TIAM1: variants seen among roughly 807,000 people sequenced by gnomAD.
The protein encoded by TIAM1 is rho guanine nucleotide exchange factor TIAM1.
In TIAM1, 65 loss-of-function variants were observed where a neutral mutation model predicts 163.5. The observed-to-expected ratio is 0.40, with a 90% confidence interval of 0.33 to 0.49. The LOEUF is 0.49. Ranked by LOEUF, TIAM1 falls within the 20% of genes least tolerant of loss-of-function variation. TIAM1 has a pLI of 0.77. For missense variants in TIAM1, 1,789 were observed against 2,044.7 expected (o/e 0.87, Z 2.41); for synonymous variants, 833 against 810.1 (o/e 1.03, Z -0.48).
chr21:31,227,455 C>T (rs967613293), intron 6 of TIAM1, among the ~76,000 whole-genome samples: 1 of 152,230 alleles, frequency 6.6e-6, no homozygotes, highest in Non-Finnish European at 1.5e-5. Flanking sequence ...GCAAACCTAA[C>T]TGGTCCAGCA....
At chr21:31,293,488 A>G (rs2074111647) in intron 2 of TIAM1, among the ~76,000 whole-genome samples, 1 of 152,214 alleles carries the variant, frequency 6.6e-6, no homozygotes, top group African/African-American at 2.4e-5. Context: ...TTCCCCACAC[A>G]ACAGACTTTT....
At chr21:31,530,383 A>G (rs2047932545) in intron 1 of TIAM1, among the ~76,000 whole-genome samples, 1 of 152,256 alleles carries the variant, frequency 6.6e-6, no homozygotes, top group Non-Finnish European at 1.5e-5. Context: ...AGAGGCCTGA[A>G]CAGTGATGGA....
intron 2 of TIAM1, among the ~76,000 whole-genome samples, chr21:31,414,230 T>A (rs958605198): frequency 6.6e-6 from 1 of 152,184 alleles, no homozygotes; most frequent in Admixed American, 6.5e-5. Context: ...AGGGTCCCCA[T>A]GTAAAAGTTC....
chr21:31,309,599 G>C (rs970412497), intron 2 of TIAM1, among the ~76,000 whole-genome samples: 2 of 152,200 alleles, frequency 1.3e-5, no homozygotes, highest in Admixed American at 1.3e-4. Flanking sequence ...GTCCTAGACC[G>C]GAGAGTCTGG....
chr21:31,335,773 T>G (rs1215857624), intron 2 of TIAM1, among the ~76,000 whole-genome samples: 2 of 152,094 alleles, frequency 1.3e-5, no homozygotes, highest in Non-Finnish European at 2.9e-5. Flanking sequence ...CCATTAGACA[T>G]GCTCATCTAA....
rs141213851 is a variant in TIAM1, at chr21:31,133,536, C to A, written c.3883+2397G>T. Among the ~76,000 whole-genome samples the A allele has an allele frequency of 8.1e-4, 123 of 152,316 alleles. No homozygotes were observed. The Middle Eastern group carries it at 0.017, about 21-fold the overall frequency. On this transcript the variant is annotated intron_variant, in intron 23 of 27. Transcript: ENST00000541036. ...AGTAATGTAGAGTCCACTATCGGAG[C>A]CTGTGCAGAAAGTGGTACCTAAATC... is the stretch of plus-strand genomic sequence containing the variant.
chr21:31,296,821 G>A lies in TIAM1; in HGVS notation c.-188-19913C>T, dbSNP rs548980348. Among the ~76,000 whole-genome samples the A allele has an allele frequency of 8.9e-4, 135 of 152,180 alleles. 2 individuals are homozygous for A. The highest frequency in any genetic ancestry group is 3.4e-3 in the Middle Eastern group (1 of 294). Reference sequence around the variant, plus strand: ...TGGGACTACAGGCATGTGCCACCACGCCCAGCTAATTTTTTGTATTTTTAG... The same window carrying A: ...TGGGACTACAGGCATGTGCCACCACACCCAGCTAATTTTTTGTATTTTTAG... On this transcript the variant is annotated intron_variant, in intron 2 of 27. Transcript: ENST00000541036.
chr21:31,495,940 C>G (rs1455443395), intron 1 of TIAM1, among the ~76,000 whole-genome samples: 2 of 151,908 alleles, frequency 1.3e-5, no homozygotes, highest in African/African-American at 2.4e-5. Context: ...CCACTGCACT[C>G]CAGCCTGAGT....
chr21:31,128,166 T>G (rs991994995), intron 25 of TIAM1, among the ~76,000 whole-genome samples: 1 of 152,226 alleles, frequency 6.6e-6, no homozygotes, highest in African/African-American at 2.4e-5. Flanking sequence ...AAACCCTCAC[T>G]GTGGTTGCAT....
chr21:31,145,244 T>C (rs1261335115), intron 20 of TIAM1, among the ~76,000 whole-genome samples: 1 of 152,236 alleles, frequency 6.6e-6, no homozygotes, highest in Non-Finnish European at 1.5e-5. Context: ...CCGTTAAGAC[T>C]GTTTTTATCT....
At chr21:31,545,964 T>C (rs1030646126) in intron 1 of TIAM1, among the ~76,000 whole-genome samples, 7 of 152,158 alleles carry the variant, frequency 4.6e-5, no homozygotes, top group Admixed American at 4.6e-4. Context: ...TTTCTGATTA[T>C]ACAAGTAACT....
intron 3 of TIAM1, among the ~76,000 whole-genome samples, chr21:31,273,796 C>T (rs1023929732): frequency 1.3e-5 from 2 of 152,202 alleles, no homozygotes; most frequent in Non-Finnish European, 2.9e-5. Flanking sequence ...AATTATCACA[C>T]AAAGACTTTT....
intron 13 of TIAM1, among the ~76,000 whole-genome samples, chr21:31,193,944 A>T (rs1045191358): frequency 6.6e-6 from 1 of 152,164 alleles, no homozygotes; most frequent in Non-Finnish European, 1.5e-5. Flanking sequence ...AAAGATTAGG[A>T]TAGGGCAGCC....
At chr21:31,303,523 T>C (rs1569190200) in intron 2 of TIAM1, among the ~76,000 whole-genome samples, 1 of 152,172 alleles carries the variant, frequency 6.6e-6, no homozygotes. Context: ...TTTTTTTTTC[T>C]TGTAATGTTG....
chr21:31,266,351 A>G lies in TIAM1; in HGVS notation c.622T>C (p.Cys208Arg), dbSNP rs1420193241. The G allele has an allele frequency of 6.2e-7, 1 of 1,614,188 alleles. No homozygotes were observed. The highest frequency in any genetic ancestry group is 2.2e-5 in the East Asian group (1 of 44,868). ...EILGSAEEKD[C>R]EEARGMETRA... ...GTTTCCATCCCCCGAGCCTCCTCGC[A>G]GTCCTTCTCTTCGGCGGAACCCAAG... Residue 208 changes from cysteine (C) to arginine (R), a missense_variant, in exon 4 of 28, where the codon TGC becomes CGC. Coordinates refer to ENST00000541036, the MANE Select transcript of TIAM1 (RefSeq NM_001353694.2).
intron 1 of TIAM1, among the ~76,000 whole-genome samples, chr21:31,520,583 G>A (rs1164992957): frequency 6.6e-6 from 1 of 152,186 alleles, no homozygotes; most frequent in African/African-American, 2.4e-5. Context: ...AGGACCCACA[G>A]CTTCAGGGAT....
chr21:31,507,636 T>C (rs1486794075), intron 1 of TIAM1, among the ~76,000 whole-genome samples: 1 of 152,216 alleles, frequency 6.6e-6, no homozygotes, highest in Non-Finnish European at 1.5e-5. Flanking sequence ...GCTATGTACC[T>C]GGGATACGAT....
rs1223570293 is a variant in TIAM1, at chr21:31,510,355, C to T, written c.-421-46320G>A. On this transcript the variant is annotated intron_variant, in intron 1 of 28. Coordinates refer to the TIAM1 transcript ENST00000286827. ...AAATTTCCTCTACTCATAAGGACAA[C>T]GGTCAGATGGATTAGAGCCCACCCT... Among the ~76,000 whole-genome samples the T allele has an allele frequency of 6.6e-5, 10 of 152,278 alleles. 1 individual carries two copies. In the South Asian group the frequency reaches 1.0e-3, roughly 16 times the overall value.
At chr21:31,376,613 G>C (rs2076692290) in intron 2 of TIAM1, among the ~76,000 whole-genome samples, 1 of 152,132 alleles carries the variant, frequency 6.6e-6, no homozygotes, top group Non-Finnish European at 1.5e-5. Flanking sequence ...GATGCCCACT[G>C]AAAGGACTTG....
Sources: gnomAD v4.1 joint callset for allele counts (sites outside exome capture counted in the v4.1 genomes callset) on GRCh38, gnomAD v4.1.1 for gene constraint, MANE v1.5 for transcripts, NCBI Gene and HGNC (gene_info 2026-07-23, HGNC 2026-07-21) for gene names.